EXOC6B: variants seen among roughly 807,000 people sequenced by gnomAD.
EXOC6B encodes SEC15 homolog B.
Under a neutral mutation model 113.5 loss-of-function variants are expected in EXOC6B, and 54 were observed. That is an observed-to-expected ratio of 0.48 (90% CI 0.38 to 0.60). The LOEUF is 0.60. EXOC6B is among the 20% of genes least tolerant of loss of function. EXOC6B has a pLI of 0.00. For missense variants in EXOC6B, 797 were observed against 977.5 expected (o/e 0.82, Z 2.46); for synonymous variants, 357 against 339.0 (o/e 1.05, Z -0.58).
chr2:72,195,270 T>C (rs1002114286), intron 20 of EXOC6B, among the ~76,000 whole-genome samples: 1 of 152,164 alleles, frequency 6.6e-6, no homozygotes, highest in Non-Finnish European at 1.5e-5. Context: ...GACTGTCCTG[T>C]AGGGCCATTT....
At chr2:72,445,340 C>T (rs1360374135) in intron 18 of EXOC6B, among the ~76,000 whole-genome samples, 3 of 152,160 alleles carry the variant, frequency 2.0e-5, no homozygotes, top group African/African-American at 7.2e-5. Flanking sequence ...TCCAAACTTT[C>T]CCACATTTTC....
At chr2:72,466,356 A>AGAAAAG (rs1463975264) in intron 17 of EXOC6B, among the ~76,000 whole-genome samples, 1 of 151,436 alleles carries the variant, frequency 6.6e-6, no homozygotes, top group African/African-American at 2.4e-5. Flanking sequence ...AAAAAAAAAA[A>AGAAAAG]AAAAGAAAAG....
chr2:72,803,345 C>A (rs777985063), intron 1 of EXOC6B, among the ~76,000 whole-genome samples: 4 of 151,560 alleles, frequency 2.6e-5, no homozygotes, highest in Non-Finnish European at 4.4e-5. Context: ...CCCAACTGAC[C>A]ACACAATGAC....
intron 20 of EXOC6B, among the ~76,000 whole-genome samples, chr2:72,232,669 G>A (rs1681701170): frequency 6.6e-6 from 1 of 152,184 alleles, no homozygotes; most frequent in African/African-American, 2.4e-5. Flanking sequence ...ATAACATTAA[G>A]TGAAAACTGC....
intron 21 of EXOC6B, among the ~76,000 whole-genome samples, chr2:72,181,362 C>T (rs1558989759): frequency 6.6e-6 from 1 of 152,134 alleles, no homozygotes; most frequent in African/African-American, 2.4e-5. Context: ...GAAGTGACTG[C>T]GCTAGTTGAA....
intron 18 of EXOC6B, among the ~76,000 whole-genome samples, chr2:72,402,827 G>T (rs1693428705): frequency 6.6e-6 from 1 of 151,994 alleles, no homozygotes; most frequent in East Asian, 1.9e-4. Flanking sequence ...CTGTTTTTTA[G>T]TGATATTTTC....
intron 6 of EXOC6B, among the ~76,000 whole-genome samples, chr2:72,604,385 T>C (rs1332065142): frequency 6.6e-6 from 1 of 152,214 alleles, no homozygotes; most frequent in African/African-American, 2.4e-5. Flanking sequence ...ATCCTTTTGA[T>C]TCTTAAAAAG....
At chr2:72,577,555 A>C (rs1453935433) in intron 6 of EXOC6B, among the ~76,000 whole-genome samples, 1 of 146,182 alleles carries the variant, frequency 6.8e-6, no homozygotes, top group Admixed American at 6.6e-5. Context: ...CAATCAATAA[A>C]ATATTGTCAG....
At chr2:72,314,869 C>T (rs1301564926) in intron 20 of EXOC6B, among the ~76,000 whole-genome samples, 2 of 152,068 alleles carry the variant, frequency 1.3e-5, no homozygotes, top group Non-Finnish European at 2.9e-5. Flanking sequence ...GAAGGCCTAC[C>T]ATGTATTAAG....
At chr2:72,662,452 C>T (rs899219634) in intron 6 of EXOC6B, among the ~76,000 whole-genome samples, 9 of 152,116 alleles carry the variant, frequency 5.9e-5, no homozygotes, top group Non-Finnish European at 8.8e-5. Flanking sequence ...ACAACTCCCA[C>T]AATTCTAAAG....
chr2:72,274,290 G>A (rs911515171), intron 20 of EXOC6B, among the ~76,000 whole-genome samples: 2 of 152,176 alleles, frequency 1.3e-5, no homozygotes, highest in African/African-American at 4.8e-5. Context: ...AAATGGGACT[G>A]TAAAGTCAAT....
At chr2:72,776,677 G>T (rs533802198) in intron 1 of EXOC6B, among the ~76,000 whole-genome samples, 5 of 151,512 alleles carry the variant, frequency 3.3e-5, no homozygotes, top group Non-Finnish European at 7.4e-5. Flanking sequence ...TGAAAAAATA[G>T]ACAACAAAAT....
chr2:72,605,071 T>A (rs1454995087), intron 6 of EXOC6B, among the ~76,000 whole-genome samples: 1 of 151,828 alleles, frequency 6.6e-6, no homozygotes, highest in Non-Finnish European at 1.5e-5. Context: ...GATTATGAGG[T>A]CGGGAGTTCA....
intron 18 of EXOC6B, among the ~76,000 whole-genome samples, chr2:72,434,570 C>T (rs779521088): frequency 1.1e-4 from 16 of 151,884 alleles, no homozygotes; most frequent in Non-Finnish European, 2.2e-4. Flanking sequence ...TTAATTACTG[C>T]TTCAATTTCA....
intron 8 of EXOC6B, among the ~76,000 whole-genome samples, chr2:72,537,310 A>C (rs1295513511): frequency 2.0e-5 from 3 of 152,140 alleles, no homozygotes; most frequent in African/African-American, 7.2e-5. Context: ...GAACAGTTAA[A>C]AACACAAAAC....
chr2:72,811,966 C>T (rs1685949276), intron 1 of EXOC6B, among the ~76,000 whole-genome samples: 1 of 152,150 alleles, frequency 6.6e-6, no homozygotes, highest in Non-Finnish European at 1.5e-5. Flanking sequence ...AGACTGAATG[C>T]TTTCCTTCTA....
chr2:72,658,240 TAA>T (rs1185999304), intron 6 of EXOC6B, among the ~76,000 whole-genome samples: 1 of 42,860 alleles, frequency 2.3e-5, no homozygotes, highest in Non-Finnish European at 4.9e-5. Context: ...AAATCAAAGA[TAA>T]TTACATACTA....
At chr2:72,672,907 T>A (rs1676006389) in intron 6 of EXOC6B, among the ~76,000 whole-genome samples, 2 of 152,120 alleles carry the variant, frequency 1.3e-5, no homozygotes, top group Non-Finnish European at 2.9e-5. Context: ...AACAATCAAT[T>A]GTACATTTCA....
chr2:72,387,031 C>A (rs918143496), intron 18 of EXOC6B, among the ~76,000 whole-genome samples: 58 of 152,054 alleles, frequency 3.8e-4, no homozygotes, highest in Non-Finnish European at 8.8e-5. Context: ...TTATAGATAT[C>A]CTTTATCAGA....
Sources: allele counts gnomAD v4.1 joint callset (sites outside exome capture counted in the v4.1 genomes callset), GRCh38; gene constraint gnomAD v4.1.1; transcripts MANE v1.5; gene names NCBI Gene and HGNC (gene_info 2026-07-23, HGNC 2026-07-21).